The following FUT8 variants were observed in gnomAD, a reference collection of about 807,000 sequenced individuals.
FUT8 encodes the protein alpha-(1,6)-fucosyltransferase.
Under a neutral mutation model 71.3 loss-of-function variants are expected in FUT8, and 29 were observed. That is an observed-to-expected ratio of 0.41 (90% CI 0.30 to 0.55). FUT8 has a LOEUF of 0.55. Ranked by LOEUF, FUT8 falls within the 20% of genes least tolerant of loss-of-function variation. The probability of loss-of-function intolerance (pLI) is 0.34; values close to 1 mark genes in which losing one functional copy is unlikely to be tolerated. For missense variants in FUT8, 544 were observed against 702.1 expected (o/e 0.77, Z 2.55); for synonymous variants, 254 against 239.3 (o/e 1.06, Z -0.57).
chr14:65,704,940 A>G (rs1478772728), intron 7 of FUT8, among the ~76,000 whole-genome samples: 2 of 152,232 alleles, frequency 1.3e-5, no homozygotes, highest in Admixed American at 6.5e-5. Context: ...CCATAAGTTT[A>G]GCTGCCTTTG....
the FUT8 span, among the ~76,000 whole-genome samples, chr14:65,392,222 G>A: frequency 2.6e-5 from 4 of 152,130 alleles, no homozygotes; most frequent in Admixed American, 1.3e-4. Context: ...ATGAGCCACC[G>A]CGCCCGGCTA....
intron 2 of FUT8, among the ~76,000 whole-genome samples, chr14:65,484,504 TG>T (rs1031378190): frequency 3.9e-5 from 6 of 152,092 alleles, no homozygotes; most frequent in African/African-American, 1.4e-4. Flanking sequence ...ATCCCATGTT[TG>T]TTTTTTTTAA....
chr14:65,373,174 A>G, the FUT8 span, among the ~76,000 whole-genome samples: 43 of 151,928 alleles, frequency 2.8e-4, no homozygotes, highest in Non-Finnish European at 4.7e-4. Flanking sequence ...GACTTCCTTC[A>G]GGGCGATTGT....
rs1169575044 is a variant in FUT8, at chr14:65,472,954, A to T, written c.-228+17236A>T. ...TAGAAAACTTTACATTGAAAAGATCACATTATAGATAATTTAGACAACTTA... is the reference window on the plus strand; with the variant it reads ...TAGAAAACTTTACATTGAAAAGATCTCATTATAGATAATTTAGACAACTTA... On this transcript the variant is annotated intron_variant, in intron 2 of 10. Coordinates refer to ENST00000673929, the MANE Select transcript of FUT8 (RefSeq NM_001371533.1). The surrounding 1 kb of genome is among the most constrained non-coding windows in gnomAD (Gnocchi z 4.4). 6.6e-6 allele frequency among the ~76,000 whole-genome samples: 1 copy of T among 152,144 alleles called. No homozygotes were observed. The highest frequency in any genetic ancestry group is 2.4e-5 in the African/African-American group (1 of 41,450).
intron 2 of FUT8, among the ~76,000 whole-genome samples, chr14:65,488,903 A>G (rs1375267300): frequency 6.6e-6 from 1 of 151,980 alleles, no homozygotes; most frequent in Non-Finnish European, 1.5e-5. Flanking sequence ...TTCACCATCG[A>G]CCTTGTACTT....
At chr14:65,604,820 T>C (rs1423936696) in intron 3 of FUT8, among the ~76,000 whole-genome samples, 1 of 151,912 alleles carries the variant, frequency 6.6e-6, no homozygotes, top group Admixed American at 6.6e-5. Flanking sequence ...TATATATAAC[T>C]TCTTAATCCC....
chr14:65,454,966 A>G (rs1230019508), intron 1 of FUT8, among the ~76,000 whole-genome samples: 1 of 152,212 alleles, frequency 6.6e-6, no homozygotes, highest in Non-Finnish European at 1.5e-5. Flanking sequence ...ACTCTACTGA[A>G]GATTAATGGA....
the FUT8 span, among the ~76,000 whole-genome samples, chr14:65,379,502 C>T: frequency 1.7e-4 from 26 of 152,030 alleles, no homozygotes; most frequent in African/African-American, 5.5e-4. Flanking sequence ...TGCACTCCAG[C>T]CTGGGCAACA....
upstream of FUT8, chr14:65,412,675 C>T (rs1327900777): frequency 3.7e-5 from 7 of 188,742 alleles, no homozygotes; most frequent in Non-Finnish European, 7.8e-5. Context: ...TGGCAGCGGC[C>T]GGCGCATGCG....
At chr14:65,397,870 A>G in the FUT8 span, among the ~76,000 whole-genome samples, 2 of 152,258 alleles carry the variant, frequency 1.3e-5, no homozygotes, top group African/African-American at 4.8e-5. The surrounding 1 kb of genome is among the most constrained non-coding windows in gnomAD (Gnocchi z 4.2). Flanking sequence ...GACCAGAAAT[A>G]GGCCATAGGA....
chr14:65,445,617 A>G (rs528450041), intron 1 of FUT8, among the ~76,000 whole-genome samples: 1 of 152,274 alleles, frequency 6.6e-6, no homozygotes, highest in South Asian at 2.1e-4. Context: ...TGCTAACTTA[A>G]GAAATAAAAT....
intron 7 of FUT8, among the ~76,000 whole-genome samples, chr14:65,694,659 A>G (rs1175877644): frequency 6.6e-5 from 10 of 152,110 alleles, no homozygotes; most frequent in Non-Finnish European, 1.2e-4. Flanking sequence ...TCCAACAATG[A>G]TAGACTGGAT....
rs1179723956 is a variant in FUT8, at chr14:65,483,978, C to T, written c.-228+28260C>T. ...CCTGACCTCAAGTATCTGCCCTCCT[C>T]GGCCTCCCAAAGTGCTGGGATTAAA... On this transcript the variant is annotated intron_variant, in intron 2 of 10. Transcript: ENST00000673929. This position sits in a 1 kb window ranked among gnomAD's most constrained non-coding sequence, Gnocchi z 4.4. Among the ~76,000 whole-genome samples the T allele has an allele frequency of 4.6e-5, 7 of 152,132 alleles. No individual in the cohort carries two copies. Among genetic ancestry groups the T allele is most frequent in the Non-Finnish European group, 2.9e-5 (2 of 68,018 alleles).
chr14:65,520,622 T>C (rs1216823415), intron 2 of FUT8, among the ~76,000 whole-genome samples: 1 of 152,136 alleles, frequency 6.6e-6, no homozygotes, highest in South Asian at 2.1e-4. Context: ...ACCTTATTTT[T>C]TTTTTATCCT....
At chr14:65,470,797 A>G (rs1594668555) in intron 2 of FUT8, among the ~76,000 whole-genome samples, 1 of 151,616 alleles carries the variant, frequency 6.6e-6, no homozygotes, top group South Asian at 2.1e-4. Context: ...CACCGCTCCC[A>G]CTTCCTGCCT....
intron 10 of FUT8, 21 bp from the exon 11 acceptor site, chr14:65,742,072 T>C (rs749264225): frequency 1.3e-6 from 2 of 1,597,718 alleles, no homozygotes; most frequent in Non-Finnish European, 1.7e-6. Context: ...ACTAACAATT[T>C]CTTTTAAATT....
intron 3 of FUT8, 109 bp downstream of exon 3, chr14:65,561,875 T>C: frequency 2.3e-6 from 2 of 861,436 alleles, no homozygotes; most frequent in Non-Finnish European, 3.6e-6. Context: ...TAACCTGCTG[T>C]CTTTGCCACA....
At chr14:65,694,873 T>C (rs1435701869) in intron 7 of FUT8, among the ~76,000 whole-genome samples, 1 of 118,592 alleles carries the variant, frequency 8.4e-6, no homozygotes, top group East Asian at 2.8e-4. Flanking sequence ...AAGGGGAACA[T>C]CACACTCTGG....
chr14:65,522,592 C>CT (rs966796380), intron 2 of FUT8, among the ~76,000 whole-genome samples: 20 of 152,094 alleles, frequency 1.3e-4, no homozygotes, highest in African/African-American at 4.6e-4. Flanking sequence ...AAAAATTATA[C>CT]TTTAAGTTCC....
Sources: allele counts gnomAD v4.1 joint callset (sites outside exome capture counted in the v4.1 genomes callset), GRCh38; gene constraint gnomAD v4.1.1; non-coding constraint Gnocchi (gnomAD v3.1); transcripts MANE v1.5; gene names NCBI Gene and HGNC (gene_info 2026-07-23, HGNC 2026-07-21).